CHODL: variants seen among roughly 807,000 people sequenced by gnomAD.
CHODL encodes chondrolectin.
In CHODL, 29 loss-of-function variants were observed where a neutral mutation model predicts 34.5. That is an observed-to-expected ratio of 0.84 (90% CI 0.63 to 1.15). The LOEUF (loss-of-function observed/expected upper bound fraction) is 1.15, where lower values mean the gene tolerates loss of function less well. Ranked by LOEUF, CHODL falls within the 50% of genes most tolerant of loss-of-function variation. CHODL has a pLI of 0.00. For synonymous variants in CHODL, 125 were observed against 116.1 expected (o/e 1.08, Z -0.49); for missense variants, 332 against 332.5 (o/e 1.00, Z 0.01).
chr21:17,927,088 GTATGTA>G lies in CHODL; in HGVS notation c.-145+9692_-145+9697del, dbSNP rs1473659488. 3.5e-5 allele frequency among the ~76,000 whole-genome samples: 5 copies of G among 144,236 alleles called. No homozygotes were observed. In the East Asian group the frequency reaches 9.8e-4, roughly 28 times the overall value. 94.6% of individuals were successfully genotyped at this position (144,236 alleles called of 152,430 possible). A position where few individuals can be genotyped will look rare whatever the true frequency, so the allele number is the denominator to read the frequency against. Reference sequence around the variant, plus strand: ...TATGTATATGTATATCTGTGTGTATGTATGTATATCTGTGTGTATGTATATATGTAT... The same window carrying G: ...TATGTATATGTATATCTGTGTGTATGTATCTGTGTGTATGTATATATGTAT... On this transcript the variant is annotated intron_variant, in intron 1 of 6. Coordinates refer to the CHODL transcript ENST00000400127.
At chr21:18,068,441 C>T (rs979010773) in intron 2 of CHODL, among the ~76,000 whole-genome samples, 4 of 152,176 alleles carry the variant, frequency 2.6e-5, no homozygotes, top group African/African-American at 9.6e-5. Flanking sequence ...AGGTGATCCA[C>T]CCGCCTTGGC....
At chr21:18,077,890 CCTT>C (rs1393511883) in intron 2 of CHODL, among the ~76,000 whole-genome samples, 1 of 152,156 alleles carries the variant, frequency 6.6e-6, no homozygotes, top group African/African-American at 2.4e-5. Context: ...TCAACTTTCT[CCTT>C]CTTTTCCCAA....
rs149274678 is a variant in CHODL at position 17,946,061 on chromosome 21, T to TA, written c.-145+28671dup. On this transcript the variant is annotated intron_variant, in intron 1 of 6. Coordinates refer to the CHODL transcript ENST00000400127. ...AAGGTTGTTGAATTCAAGTTCATCTTAAAAAAAAAACCTATTAGCATTCCT... is the reference window on the plus strand; with the variant it reads ...AAGGTTGTTGAATTCAAGTTCATCTTAAAAAAAAAAACCTATTAGCATTCCT... 3.2e-3 allele frequency among the ~76,000 whole-genome samples: 473 copies of TA among 148,680 alleles called. 6 individuals are homozygous for TA. The highest frequency in any genetic ancestry group is 6.9e-3 in the Middle Eastern group (2 of 290).
intron 2 of CHODL, among the ~76,000 whole-genome samples, chr21:18,188,086 A>G (rs1406908376): frequency 6.6e-6 from 1 of 151,822 alleles, no homozygotes; most frequent in Non-Finnish European, 1.5e-5. Context: ...TTGATATTTT[A>G]GCAGCCTTTA....
intron 2 of CHODL, among the ~76,000 whole-genome samples, chr21:18,172,863 C>A (rs1013519090): frequency 6.6e-6 from 1 of 152,098 alleles, no homozygotes; most frequent in African/African-American, 2.4e-5. Flanking sequence ...CTCAGAGTTT[C>A]TGAAAAGCTG....
rs1601077349 is a variant in CHODL at position 18,152,742 on chromosome 21, C to T, written c.-44-103767C>T. ...GCTATCCCACCATGTTCAGATCCCTCAAGAAGAAGGATCGTTCATGGTATA... is the reference window on the plus strand; with the variant it reads ...GCTATCCCACCATGTTCAGATCCCTTAAGAAGAAGGATCGTTCATGGTATA... On this transcript the variant is annotated intron_variant, in intron 2 of 6. Coordinates refer to the CHODL transcript ENST00000400127. 3.3e-5 allele frequency among the ~76,000 whole-genome samples: 5 copies of T among 152,172 alleles called. No individual in the cohort carries two copies. The South Asian group carries it at 6.2e-4, about 19-fold the overall frequency.
intron 2 of CHODL, among the ~76,000 whole-genome samples, chr21:18,115,961 T>A (rs1183727658): frequency 1.3e-5 from 2 of 152,198 alleles, no homozygotes; most frequent in Admixed American, 6.5e-5. Flanking sequence ...TTTTTTTTTT[T>A]AATTACTGCC....
chr21:17,984,286 ATGGAC>A (rs2063736838), intron 1 of CHODL, among the ~76,000 whole-genome samples: 2 of 152,176 alleles, frequency 1.3e-5, no homozygotes, highest in Non-Finnish European at 2.9e-5. Context: ...TTATCTGTCA[ATGGAC>A]ACTATATCTT....
intron 2 of CHODL, among the ~76,000 whole-genome samples, chr21:18,028,244 C>T (rs60219425): frequency 0.14 from 12,681 of 92,610 alleles, 1,555 homozygotes; most frequent in African/African-American, 0.25. Flanking sequence ...CCTTCCCCTT[C>T]CCCTTTTCCT....
intron 1 of CHODL, among the ~76,000 whole-genome samples, chr21:17,967,205 A>G (rs1301073801): frequency 6.6e-6 from 1 of 152,068 alleles, no homozygotes; most frequent in Non-Finnish European, 1.5e-5. Context: ...CTTTATGGCC[A>G]TCAGATAATT....
At chr21:18,195,491 C>T (rs568875966) in intron 2 of CHODL, among the ~76,000 whole-genome samples, 10 of 152,256 alleles carry the variant, frequency 6.6e-5, no homozygotes, top group African/African-American at 1.2e-4. Context: ...CCTCAGCAAC[C>T]GCCATTCTAC....
chr21:18,207,587 A>AT (rs1295671180), intron 2 of CHODL, among the ~76,000 whole-genome samples: 2 of 131,654 alleles, frequency 1.5e-5, no homozygotes, highest in Non-Finnish European at 3.1e-5. Flanking sequence ...CATTAATGTC[A>AT]TTTTCTCTTG....
intron 2 of CHODL, among the ~76,000 whole-genome samples, chr21:18,106,317 C>A (rs972472663): frequency 6.6e-6 from 1 of 152,110 alleles, no homozygotes; most frequent in Non-Finnish European, 1.5e-5. Flanking sequence ...GAGGATGGAA[C>A]CTGTGAAAAC....
intron 1 of CHODL, among the ~76,000 whole-genome samples, chr21:18,005,186 C>T (rs1259567210): frequency 1.3e-5 from 2 of 152,164 alleles, no homozygotes; most frequent in Non-Finnish European, 2.9e-5. Flanking sequence ...CTGGGCTCTG[C>T]CACTTCCTTG....
chr21:18,173,967 A>C (rs2073261851), intron 2 of CHODL, among the ~76,000 whole-genome samples: 1 of 151,216 alleles, frequency 6.6e-6, no homozygotes, highest in African/African-American at 2.4e-5. Flanking sequence ...TTTATCCCTG[A>C]TAAAAATTTT....
chr21:18,245,140 G>C lies in CHODL; in HGVS notation c.-84G>C. The C allele has an allele frequency of 8.3e-7, 1 of 1,205,452 alleles. No individual in the cohort carries two copies. Among genetic ancestry groups the C allele is most frequent in the Non-Finnish European group, 1.1e-6 (1 of 890,704 alleles). 74.7% of individuals were successfully genotyped at this position (1,205,452 alleles called of 1,614,324 possible). ...TAGGGCCCGGCAGGGAGGCAGGGAGGCTGCAGAGTCAGAGTCGCGGGCTGC... is the reference window on the plus strand; with the variant it reads ...TAGGGCCCGGCAGGGAGGCAGGGAGCCTGCAGAGTCAGAGTCGCGGGCTGC... On this transcript the variant is annotated 5_prime_UTR_variant, in exon 1 of 6. Transcript: ENST00000299295.
chr21:17,923,187 T>G (rs932889471), intron 1 of CHODL, among the ~76,000 whole-genome samples: 1 of 152,154 alleles, frequency 6.6e-6, no homozygotes, highest in African/African-American at 2.4e-5. Context: ...GACTTTTCCC[T>G]TTAGCTTAGT....
chr21:18,207,946 C>T (rs73316253), intron 2 of CHODL, among the ~76,000 whole-genome samples: 4,678 of 151,890 alleles, frequency 0.031, 241 homozygotes, highest in African/African-American at 0.11. Context: ...GAGTCTTCTT[C>T]GGGTTATATC....
chr21:17,978,611 G>A (rs1399364696), intron 1 of CHODL, among the ~76,000 whole-genome samples: 2 of 151,666 alleles, frequency 1.3e-5, no homozygotes, highest in Non-Finnish European at 2.9e-5. Flanking sequence ...CCAGCTACTC[G>A]GGAGGCGGAG....
Sources: allele counts gnomAD v4.1 joint callset (sites outside exome capture counted in the v4.1 genomes callset), GRCh38; gene constraint gnomAD v4.1.1; transcripts MANE v1.5; gene names NCBI Gene and HGNC (gene_info 2026-07-23, HGNC 2026-07-21).